Variants in PAH observed in about 807,000 individuals in gnomAD.
The protein encoded by PAH is phenylalanine-4-hydroxylase.
PAH carries 64 observed loss-of-function variants against 62.0 expected under a neutral mutation model. The observed-to-expected ratio is 1.03, with a 90% CI of 0.84 to 1.27. The LOEUF (loss-of-function observed/expected upper bound fraction) is 1.27. Ranked by LOEUF, PAH falls within the 50% of genes most tolerant of loss-of-function variation. The probability of loss-of-function intolerance (pLI) is 0.00; values close to 1 mark genes in which losing one functional copy is unlikely to be tolerated. For synonymous variants in PAH, 195 were observed against 196.2 expected (o/e 0.99, Z 0.05); for missense variants, 579 against 542.8 (o/e 1.07, Z -0.66).
intron 3 of PAH, among the ~76,000 whole-genome samples, chr12:102,891,403 G>A (rs1476325805): frequency 6.6e-6 from 1 of 152,186 alleles, no homozygotes; most frequent in Non-Finnish European, 1.5e-5. Flanking sequence ...GAAGGGGTCT[G>A]TAGGGCTGCA....
At chr12:102,887,998 A>G (rs992758266) in intron 3 of PAH, among the ~76,000 whole-genome samples, 2 of 152,098 alleles carry the variant, frequency 1.3e-5, no homozygotes, top group African/African-American at 4.8e-5. Flanking sequence ...ACCTTTCACA[A>G]TCTTTTGGAC....
chr12:102,851,694 A>T lies in PAH; in HGVS notation c.905T>A (p.Phe302Tyr). ...PLFSDRSFAQ[F>Y]SQEIGLASLG... ...AAAAAATCCATTCCTTACCTGGGAA[A>T]ACTGGGCAAAGCTGCGATCTGAAAA... The change falls in exon 8 of 13, where the codon TTT becomes TAT. Residue 302 changes from phenylalanine (F) to tyrosine (Y), a missense_variant. Transcript: ENST00000553106. The T allele has an allele frequency of 6.2e-7, 1 of 1,613,846 alleles. No homozygotes were observed. The highest frequency in any genetic ancestry group is 1.1e-5 in the South Asian group (1 of 91,078).
At chr12:102,939,499 AC>A (rs930783347) in intron 1 of PAH, among the ~76,000 whole-genome samples, 11 of 151,804 alleles carry the variant, frequency 7.2e-5, no homozygotes, top group Non-Finnish European at 1.5e-4. Context: ...GCAACTGACA[AC>A]CCCTCTGGCA....
At chr12:102,917,429 G>T, upstream of PAH, 1 of 441,836 alleles carries the variant, frequency 2.3e-6, no homozygotes, top group Non-Finnish European at 4.2e-6. Context: ...GCCCGCCCTG[G>T]GTAAAGGGAA....
At chr12:102,933,842 T>C (rs1879003049) in intron 1 of PAH, among the ~76,000 whole-genome samples, 1 of 152,174 alleles carries the variant, frequency 6.6e-6, no homozygotes, top group Non-Finnish European at 1.5e-5. Flanking sequence ...ATTTCAGTTA[T>C]TAACTGGTTG....
chr12:102,954,002 G>A (rs1221266620), upstream of PAH, among the ~76,000 whole-genome samples: 3 of 152,160 alleles, frequency 2.0e-5, no homozygotes, highest in Non-Finnish European at 4.4e-5. Context: ...CCTTTTGTGA[G>A]TTGTTTACTT....
intron 3 of PAH, among the ~76,000 whole-genome samples, chr12:102,892,577 A>G (rs527470020): frequency 1.3e-5 from 2 of 152,354 alleles, no homozygotes; most frequent in African/African-American, 4.8e-5. Context: ...AAACTGTGGT[A>G]CATCTTGACC....
chr12:102,838,837 T>C lies in PAH; in HGVS notation c.*338A>G. On this transcript the variant is annotated 3_prime_UTR_variant, in exon 13 of 13. Transcript: ENST00000553106. ...GCCTTATATGCTCCTTTATGAGTTC[T>C]CTGCAAAGCATATATGAAGCTTGAA... The C allele has an allele frequency of 3.0e-6, 1 of 336,610 alleles. No homozygotes were observed. The highest frequency in any genetic ancestry group is 2.1e-5 in the African/African-American group (1 of 47,396). 20.9% of individuals were successfully genotyped at this position (336,610 alleles called of 1,614,324 possible).
At chr12:102,842,515 T>A (rs193222882) in intron 11 of PAH, among the ~76,000 whole-genome samples, 274 of 152,284 alleles carry the variant, frequency 1.8e-3, no homozygotes, top group Non-Finnish European at 3.4e-3. Context: ...CTCAAACAAA[T>A]GTTAGCTGGA....
Position 102,843,747 on chromosome 12 carries a change from G to C in PAH, c.1098C>G (p.Pro366=). The change falls in exon 11 of 13, where the codon CCC becomes CCG. Residue 366 remains proline, a synonymous_variant. Coordinates refer to ENST00000553106, the MANE Select transcript of PAH (RefSeq NM_000277.3). ...GGATGGCTGTCTTCTCCAGCTCCAG[G>C]GGGAGAAGCTTTGGCTTCTCTGATA... ...YCLSEKPKLL[P]LELEKTAIQN... 3 of 1,613,504 alleles carry C rather than the reference G, an allele frequency of 1.9e-6. No individual in the cohort carries two copies. Among genetic ancestry groups the C allele is most frequent in the Non-Finnish European group, 2.5e-6 (3 of 1,179,534 alleles).
chr12:102,953,691 A>C (rs1363873637), upstream of PAH: 2 of 152,208 alleles, frequency 1.3e-5, no homozygotes, highest in Non-Finnish European at 2.9e-5. Flanking sequence ...AGGTGCAGAA[A>C]TTAAGTCCCT....
At position 102,865,199 on chromosome 12, in the gene PAH, C is replaced by T. The variant is rs983350594; in HGVS notation, c.509+1397G>A. Among the ~76,000 whole-genome samples, 13 of 152,094 alleles carry T rather than the reference C, an allele frequency of 8.5e-5. No individual in the cohort carries two copies. In the South Asian group the frequency reaches 1.2e-3, roughly 15 times the overall value. ...AAGGAGGTTGAGGAGGATCTGTCTC[C>T]GCTCTCCCCAAATCCCAGCAACCCA... On this transcript the variant is annotated intron_variant, in intron 5 of 12. Transcript: ENST00000553106.
chr12:102,939,696 G>A (rs1879223763), intron 1 of PAH, among the ~76,000 whole-genome samples: 1 of 152,206 alleles, frequency 6.6e-6, no homozygotes, highest in Non-Finnish European at 1.5e-5. Context: ...GGACTACAGA[G>A]CAGCCACCCC....
At chr12:102,880,326 C>T (rs1940271277) in intron 3 of PAH, among the ~76,000 whole-genome samples, 1 of 152,170 alleles carries the variant, frequency 6.6e-6, no homozygotes, top group African/African-American at 2.4e-5. Flanking sequence ...GGAATCAGCA[C>T]TTTAGAGTCA....
chr12:102,897,969 T>G (rs1877582130), intron 2 of PAH, among the ~76,000 whole-genome samples: 1 of 152,236 alleles, frequency 6.6e-6, no homozygotes, highest in Non-Finnish European at 1.5e-5. Context: ...ACCTGGACTC[T>G]TTACACTGGT....
chr12:102,927,242 A>T (rs1462397197), intron 1 of PAH, among the ~76,000 whole-genome samples: 1 of 150,592 alleles, frequency 6.6e-6, no homozygotes, highest in South Asian at 2.1e-4. Flanking sequence ...AAGGATCAAC[A>T]CTCACCAGGT....
intron 4 of PAH, among the ~76,000 whole-genome samples, chr12:102,868,234 A>G (rs1876147883): frequency 6.8e-6 from 1 of 146,044 alleles, no homozygotes; most frequent in East Asian, 2.1e-4. Context: ...GTAAAGACAC[A>G]GAGGGCAATG....
chr12:102,920,436 T>G (rs1302283626), upstream of PAH, among the ~76,000 whole-genome samples: 2 of 152,244 alleles, frequency 1.3e-5, no homozygotes, highest in African/African-American at 2.4e-5. Flanking sequence ...AGTTGTGTAC[T>G]TGGCAAACTT....
intron 1 of PAH, among the ~76,000 whole-genome samples, chr12:102,930,105 C>T (rs941330650): frequency 1.3e-5 from 2 of 152,140 alleles, no homozygotes; most frequent in African/African-American, 2.4e-5. Flanking sequence ...AGATTGCTAA[C>T]CCCATTTTAA....
Sources: allele counts gnomAD v4.1 joint callset (sites outside exome capture counted in the v4.1 genomes callset), GRCh38; gene constraint gnomAD v4.1.1; transcripts MANE v1.5; gene names NCBI Gene and HGNC (gene_info 2026-07-23, HGNC 2026-07-21).